The following FAAH2 variants were observed in gnomAD, a reference collection of about 807,000 sequenced individuals.
FAAH2 encodes fatty-acid amide hydrolase 2.
In FAAH2, 60 loss-of-function variants were observed where a neutral mutation model predicts 36.9. The observed-to-expected ratio is 1.63, with a 90% CI of 1.32 to 2.02. The LOEUF is 2.02. Ranked by LOEUF, FAAH2 falls within the 30% of genes most tolerant of loss-of-function variation. The pLI, the probability that FAAH2 is intolerant of heterozygous loss-of-function variation, is 0.00. For synonymous variants in FAAH2, 214 were observed against 143.8 expected (o/e 1.49, Z -3.49); for missense variants, 689 against 397.5 (o/e 1.73, Z -6.23).
chrX:57,428,860 T>A (rs1366190361), intron 7 of FAAH2, among the ~76,000 whole-genome samples: 1 of 112,029 alleles, frequency 8.9e-6, no homozygotes, highest in Non-Finnish European at 1.9e-5. Context: ...TAAAAACAAA[T>A]GCACAATACC....
At chrX:57,353,753 C>T (rs1362417349) in intron 5 of FAAH2, among the ~76,000 whole-genome samples, 2 of 109,944 alleles carry the variant, frequency 1.8e-5, no homozygotes, top group African/African-American at 6.6e-5. Context: ...CTCAACTCAA[C>T]AATGATAAAA....
intron 7 of FAAH2, among the ~76,000 whole-genome samples, chrX:57,388,738 A>T (rs753488749): frequency 8.1e-5 from 9 of 111,236 alleles, no homozygotes; most frequent in Non-Finnish European, 1.5e-4. Flanking sequence ...CCACTCAAAA[A>T]ACTTCTGTGC....
intron 10 of FAAH2, among the ~76,000 whole-genome samples, chrX:57,459,845 C>T (rs2056927751): frequency 9.0e-6 from 1 of 111,714 alleles, no homozygotes; most frequent in South Asian, 3.8e-4. Context: ...CCAAAGGTCA[C>T]CAGCCTCAAA....
At chrX:57,255,668 CA>C in the FAAH2 span, among the ~76,000 whole-genome samples, 12 of 111,958 alleles carry the variant, frequency 1.1e-4, no homozygotes, top group African/African-American at 3.9e-4. Context: ...GAACCAACAA[CA>C]AAAACCTCAT....
At chrX:57,435,943 C>T (rs993271376) in intron 8 of FAAH2, among the ~76,000 whole-genome samples, 13 of 111,169 alleles carry the variant, frequency 1.2e-4, no homozygotes, top group African/African-American at 4.2e-4. Context: ...CATGTATGAC[C>T]TTGTATAGAC....
At chrX:57,218,349 C>A in the FAAH2 span, among the ~76,000 whole-genome samples, 3 of 111,822 alleles carry the variant, frequency 2.7e-5, no homozygotes, top group African/African-American at 6.5e-5. Flanking sequence ...TCATAGATGT[C>A]TTTTACTACA....
intron 5 of FAAH2, among the ~76,000 whole-genome samples, chrX:57,345,562 T>G (rs972556760): frequency 1.3e-4 from 14 of 111,178 alleles, no homozygotes; most frequent in African/African-American, 4.2e-4. Context: ...TCTTGTTTAT[T>G]CCTTCAAAAA....
chrX:57,402,827 G>C (rs1267780004), intron 7 of FAAH2, among the ~76,000 whole-genome samples: 1 of 111,977 alleles, frequency 8.9e-6, no homozygotes, highest in Non-Finnish European at 1.9e-5. Context: ...GTCTACACTG[G>C]GAACTGCCTG....
chrX:57,229,038 A>G, the FAAH2 span: 2 of 111,686 alleles, frequency 1.8e-5, no homozygotes, highest in Admixed American at 1.9e-4. Flanking sequence ...TCTGCTATGG[A>G]AGAAGCAACA....
the FAAH2 span, among the ~76,000 whole-genome samples, chrX:57,230,111 G>A: frequency 2.0e-3 from 227 of 111,637 alleles, 2 homozygotes; most frequent in African/African-American, 7.1e-3. Flanking sequence ...GTGAATTCAT[G>A]GAGACTCCTA....
intron 3 of FAAH2, among the ~76,000 whole-genome samples, chrX:57,325,493 A>G (rs937729667): frequency 9.0e-6 from 1 of 111,252 alleles, no homozygotes; most frequent in Non-Finnish European, 1.9e-5. Context: ...TTGGTAGGCT[A>G]TTTATTATTG....
intron 3 of FAAH2, among the ~76,000 whole-genome samples, 181 bp from the exon 4 acceptor site, chrX:57,331,417 C>T (rs995919497): frequency 8.1e-5 from 9 of 110,430 alleles, no homozygotes; most frequent in African/African-American, 2.6e-4. Context: ...GTCTTCCCTC[C>T]ATCCACCCTC....
chrX:57,392,570 T>C (rs2055191603), intron 7 of FAAH2: 1 of 814,924 alleles, frequency 1.2e-6, no homozygotes, highest in Non-Finnish European at 1.8e-6. Flanking sequence ...TTATACTTCC[T>C]AACTCCCAGT....
At chrX:57,397,974 A>T in intron 7 of FAAH2, among the ~76,000 whole-genome samples, 1 of 109,262 alleles carries the variant, frequency 9.2e-6, no homozygotes, top group East Asian at 2.9e-4. Context: ...TCTTTGCAAT[A>T]GTTTGCTGAG....
intron 10 of FAAH2, among the ~76,000 whole-genome samples, chrX:57,459,220 G>T (rs1359348149): frequency 8.9e-6 from 1 of 112,431 alleles, no homozygotes; most frequent in East Asian, 2.8e-4. Context: ...GAAAGTACAG[G>T]CTGAAGGGAA....
At chrX:57,257,199 C>T in the FAAH2 span, among the ~76,000 whole-genome samples, 1 of 111,822 alleles carries the variant, frequency 8.9e-6, no homozygotes, top group Non-Finnish European at 1.9e-5. Flanking sequence ...TTGGCATATA[C>T]CCAAACAATT....
rs181779457 is a variant in FAAH2, at chrX:57,412,836, A to G, written c.997-19082A>G. On this transcript the variant is annotated intron_variant, in intron 7 of 10. Coordinates refer to ENST00000374900, the MANE Select transcript of FAAH2 (RefSeq NM_174912.4). ...AATGGTTGAACTAATTGATACTCCAACCAACACTGTAAAAGCGTTCCTATT... is the reference window on the plus strand; with the variant it reads ...AATGGTTGAACTAATTGATACTCCAGCCAACACTGTAAAAGCGTTCCTATT... 3.1e-3 allele frequency among the ~76,000 whole-genome samples: 342 copies of G among 111,898 alleles called. 1 individual carries two copies. The highest frequency in any genetic ancestry group is 9.3e-3 in the Middle Eastern group (2 of 216).
chrX:57,332,678 T>C (rs1002609594), intron 4 of FAAH2, among the ~76,000 whole-genome samples: 1 of 111,074 alleles, frequency 9.0e-6, no homozygotes, highest in Non-Finnish European at 1.9e-5. Flanking sequence ...GGGGGGATCT[T>C]AGGGGCCCCA....
intron 3 of FAAH2, among the ~76,000 whole-genome samples, chrX:57,318,942 C>A (rs2052928843): frequency 9.0e-6 from 1 of 111,644 alleles, no homozygotes; most frequent in Admixed American, 9.6e-5. Context: ...TCAATAGATG[C>A]AGAAAAGGCC....
Sources: gnomAD v4.1 joint callset for allele counts (sites outside exome capture counted in the v4.1 genomes callset) on GRCh38, gnomAD v4.1.1 for gene constraint, MANE v1.5 for transcripts, NCBI Gene and HGNC (gene_info 2026-07-23, HGNC 2026-07-21) for gene names.